Variants in UNC5D observed in about 807,000 individuals in gnomAD.
UNC5D encodes the protein unc-5 netrin receptor D, also known as netrin receptor UNC5D.
A neutral mutation model predicts 105.4 loss-of-function variants in UNC5D; 39 were observed. The ratio of observed to expected loss-of-function variants is 0.37; its 90% CI spans 0.29 to 0.48. The LOEUF (loss-of-function observed/expected upper bound fraction) is 0.48. Among genes scored for constraint, UNC5D ranks in the 20% least tolerant of loss-of-function variants. The pLI is 0.98. For missense variants in UNC5D, 991 were observed against 1,202.4 expected (o/e 0.82, Z 2.60); for synonymous variants, 452 against 450.4 (o/e 1.00, Z -0.04).
intron 1 of UNC5D, among the ~76,000 whole-genome samples, chr8:35,537,071 G>T (rs1272923192): frequency 6.6e-6 from 1 of 152,092 alleles, no homozygotes; most frequent in South Asian, 2.1e-4. Flanking sequence ...ATAAGACAAT[G>T]AAATATATAC....
intron 4 of UNC5D, among the ~76,000 whole-genome samples, chr8:35,675,369 C>A (rs1261002075): frequency 1.3e-5 from 2 of 152,118 alleles, no homozygotes; most frequent in African/African-American, 4.8e-5. Flanking sequence ...TCAGCAGGTG[C>A]CATTGAACAT....
At chr8:35,450,632 C>T (rs1185648575) in intron 1 of UNC5D, among the ~76,000 whole-genome samples, 1 of 152,074 alleles carries the variant, frequency 6.6e-6, no homozygotes, top group African/African-American at 2.4e-5. Context: ...ATAAACTTAA[C>T]TATTATTTCT....
Position 35,479,767 on chromosome 8 carries a change from G to T in UNC5D, c.104-69525G>T, listed in dbSNP as rs150544614. Among the ~76,000 whole-genome samples, 8 of 152,166 alleles carry T rather than the reference G, an allele frequency of 5.3e-5. 1 individual carries two copies. The East Asian group carries it at 9.7e-4, about 18-fold the overall frequency. ...TACATATGGGAACAATAGACATGAG[G>T]GACTGCTTGGTCAGGGAAGGGAGAG... On this transcript the variant is annotated intron_variant, in intron 1 of 16. Coordinates refer to ENST00000404895, the MANE Select transcript of UNC5D (RefSeq NM_080872.4).
At chr8:35,293,994 C>T (rs546009241) in intron 1 of UNC5D, among the ~76,000 whole-genome samples, 2 of 152,136 alleles carry the variant, frequency 1.3e-5, no homozygotes, top group East Asian at 1.9e-4. Context: ...ATTAAAAGAA[C>T]TTTAAAAGAC....
At chr8:35,787,610 G>GT (rs996811851) in intron 16 of UNC5D, among the ~76,000 whole-genome samples, 1 of 150,840 alleles carries the variant, frequency 6.6e-6, no homozygotes, top group South Asian at 2.1e-4. Flanking sequence ...AAGTTGTTCG[G>GT]TTTTTTTGTT....
chr8:35,240,857 C>T (rs138068546), intron 1 of UNC5D, among the ~76,000 whole-genome samples: 4 of 152,232 alleles, frequency 2.6e-5, no homozygotes, highest in African/African-American at 9.6e-5. Flanking sequence ...AAAATAACCG[C>T]CCTCTCCCCA....
intron 10 of UNC5D, among the ~76,000 whole-genome samples, chr8:35,729,848 G>A (rs544283592): frequency 6.6e-6 from 1 of 152,204 alleles, no homozygotes; most frequent in African/African-American, 2.4e-5. Flanking sequence ...CTTATTCTTA[G>A]TGCTGGTGAA....
intron 4 of UNC5D, among the ~76,000 whole-genome samples, chr8:35,624,812 A>C (rs937744956): frequency 6.6e-6 from 1 of 152,106 alleles, no homozygotes; most frequent in African/African-American, 2.4e-5. Flanking sequence ...TAAATTAACA[A>C]ATTGCTGTGC....
At chr8:35,401,582 A>G (rs1308698278) in intron 1 of UNC5D, among the ~76,000 whole-genome samples, 1 of 152,120 alleles carries the variant, frequency 6.6e-6, no homozygotes. Flanking sequence ...TTTATTTAAG[A>G]CTTCATAATA....
At chr8:35,247,275 G>T (rs990352710) in intron 1 of UNC5D, among the ~76,000 whole-genome samples, 6 of 31,536 alleles carry the variant, frequency 1.9e-4, no homozygotes, top group Admixed American at 5.1e-4. Context: ...AAATTACAGA[G>T]ATTTTTTTTT....
At chr8:35,302,909 C>T (rs1036867817) in intron 1 of UNC5D, among the ~76,000 whole-genome samples, 3 of 152,092 alleles carry the variant, frequency 2.0e-5, no homozygotes, top group African/African-American at 7.2e-5. Context: ...AATAAGGAAT[C>T]AAACGTTTGG....
chr8:35,717,366 G>C (rs1828312351), intron 8 of UNC5D, among the ~76,000 whole-genome samples: 1 of 152,140 alleles, frequency 6.6e-6, no homozygotes, highest in Admixed American at 6.5e-5. Flanking sequence ...TTAGAGGGGA[G>C]TTATGTAAAG....
intron 1 of UNC5D, among the ~76,000 whole-genome samples, chr8:35,369,005 G>A (rs1192808382): frequency 2.0e-5 from 3 of 152,136 alleles, no homozygotes; most frequent in Non-Finnish European, 2.9e-5. Flanking sequence ...ATGTTGTTAT[G>A]GCAGTCTGAC....
chr8:35,281,422 CTTTT>C (rs10601544), intron 1 of UNC5D, among the ~76,000 whole-genome samples: 4 of 142,212 alleles, frequency 2.8e-5, no homozygotes, highest in Non-Finnish European at 4.6e-5. Context: ...CTTTTTTTTT[CTTTT>C]TTTTTTTTTG....
At position 35,657,078 on chromosome 8, in the gene UNC5D, GTGTATATATATA is replaced by G. The variant is rs1178213362; in HGVS notation, c.571-26467_571-26456del. 8.4e-3 allele frequency among the ~76,000 whole-genome samples: 673 copies of G among 80,386 alleles called. 3 individuals carry two copies. Among genetic ancestry groups the G allele is most frequent in the African/African-American group, 0.023 (389 of 17,034 alleles). The allele number at this position is 80,386 out of a possible 152,430, so 52.7% of individuals were successfully genotyped here. A position where few individuals can be genotyped will look rare whatever the true frequency, so the allele number is the denominator to read the frequency against. ...TGTGTGTGTGTGTGTGTGTGTGTGT[GTGTATATATATA>G]TATATATATATATATATATATATAT... On this transcript the variant is annotated intron_variant, in intron 4 of 16. Transcript: ENST00000404895.
At chr8:35,583,640 T>C (rs763590523) in intron 3 of UNC5D, among the ~76,000 whole-genome samples, 23 of 152,196 alleles carry the variant, frequency 1.5e-4, no homozygotes, top group Admixed American at 1.3e-4. Context: ...CTATAGCTTT[T>C]GGTGGAACAT....
Position 35,488,761 on chromosome 8 carries a change from G to A in UNC5D, c.104-60531G>A, listed in dbSNP as rs1810996284. Among the ~76,000 whole-genome samples the A allele has an allele frequency of 2.0e-5, 3 of 152,234 alleles. No individual in the cohort carries two copies. In the South Asian group the frequency reaches 6.2e-4, roughly 32 times the overall value. On this transcript the variant is annotated intron_variant, in intron 1 of 16. Transcript: ENST00000404895. ...ATGCATATCCTACCATTATATTTTG[G>A]AAGCAGATAACTTACCTGGTTTCAC...
intron 2 of UNC5D, among the ~76,000 whole-genome samples, chr8:35,561,131 GAGTTTGCCTTTCAT>G (rs1179674758): frequency 6.6e-6 from 1 of 152,002 alleles, no homozygotes; most frequent in African/African-American, 2.4e-5. Flanking sequence ...ACTTGCCTGT[GAGTTTGCCTTTCAT>G]ATGCAAACCA....
chr8:35,680,794 A>C (rs1825607506), intron 4 of UNC5D, among the ~76,000 whole-genome samples: 1 of 152,158 alleles, frequency 6.6e-6, no homozygotes, highest in South Asian at 2.1e-4. Flanking sequence ...TGAATAATTT[A>C]TTTATGGGTC....
Sources: allele counts gnomAD v4.1 joint callset (sites outside exome capture counted in the v4.1 genomes callset), GRCh38; gene constraint gnomAD v4.1.1; transcripts MANE v1.5; gene names NCBI Gene and HGNC (gene_info 2026-07-23, HGNC 2026-07-21).